The following PTPRM variants were observed in gnomAD, a reference collection of about 807,000 sequenced individuals.
PTPRM encodes the protein protein tyrosine phosphatase receptor type M.
PTPRM carries 47 observed loss-of-function variants against 186.7 expected under a neutral mutation model. That is an observed-to-expected ratio of 0.25 (90% CI 0.20 to 0.32). PTPRM has a LOEUF of 0.32. Among genes scored for constraint, PTPRM ranks in the 10% least tolerant of loss-of-function variants. The pLI, the probability that PTPRM is intolerant of heterozygous loss-of-function variation, is 1.00. For missense variants in PTPRM, 1,494 were observed against 1,865.0 expected (o/e 0.80, Z 3.66); for synonymous variants, 668 against 674.9 (o/e 0.99, Z 0.16).
chr18:7,723,692 T>G (rs2040491360), intron 1 of PTPRM, among the ~76,000 whole-genome samples: 1 of 152,202 alleles, frequency 6.6e-6, no homozygotes, highest in Admixed American at 6.5e-5. Flanking sequence ...CCTGTTGCTG[T>G]TATTCCTCAG....
At chr18:7,742,579 T>G (rs2040905024) in intron 1 of PTPRM, among the ~76,000 whole-genome samples, 1 of 152,174 alleles carries the variant, frequency 6.6e-6, no homozygotes, top group Admixed American at 6.5e-5. Context: ...TGGTTCACTC[T>G]TGTAATCCCA....
Position 7,848,572 on chromosome 18 carries a change from G to A in PTPRM, c.197-39534G>A, listed in dbSNP as rs2046710770. ...GGACCACTTGAGCCCAGGAATTTGA[G>A]ACCAGACTGTGCAACACGGTGAAAC... On this transcript the variant is annotated intron_variant, in intron 2 of 32. Transcript: ENST00000580170. Among the ~76,000 whole-genome samples, 3 of 151,786 alleles carry A rather than the reference G, an allele frequency of 2.0e-5. 1 individual carries two copies. In the South Asian group the frequency reaches 6.2e-4, roughly 32 times the overall value.
chr18:8,295,557 A>G (rs2095088053), intron 19 of PTPRM, among the ~76,000 whole-genome samples: 1 of 152,120 alleles, frequency 6.6e-6, no homozygotes, highest in South Asian at 2.1e-4. Flanking sequence ...CTTCCTTCCC[A>G]GTGGGTGCCA....
intron 7 of PTPRM, among the ~76,000 whole-genome samples, chr18:7,959,648 G>A (rs150328034): frequency 1.1e-3 from 164 of 152,254 alleles, no homozygotes; most frequent in African/African-American, 3.8e-3. Flanking sequence ...AGCTCTCCAT[G>A]CAAGACCTTG....
At chr18:8,396,502 G>A (rs954975255) in intron 32 of PTPRM, among the ~76,000 whole-genome samples, 2 of 152,230 alleles carry the variant, frequency 1.3e-5, no homozygotes. Context: ...CAGGAGTGAT[G>A]GGGCTTTTTC....
At chr18:7,648,658 C>T (rs2038623056) in intron 1 of PTPRM, among the ~76,000 whole-genome samples, 1 of 152,154 alleles carries the variant, frequency 6.6e-6, no homozygotes, top group South Asian at 2.1e-4. Context: ...CAGACCAAGG[C>T]CCTAACTCTC....
At chr18:8,172,043 C>T (rs535865716) in intron 14 of PTPRM, among the ~76,000 whole-genome samples, 15 of 152,206 alleles carry the variant, frequency 9.9e-5, no homozygotes, top group Admixed American at 6.5e-4. Context: ...ATTGTAAAGT[C>T]GGAAAATCAT....
In PTPRM at chr18:8,173,616, A is replaced by C. The variant is rs538069986; in HGVS notation, c.2300+29837A>C. ...ATGCCATGTAGGAGACAGAGTTATT[A>C]TTCAAATCAATCTCTCCAAACATTT... On this transcript the variant is annotated intron_variant, in intron 14 of 32. Transcript: ENST00000580170. Among the ~76,000 whole-genome samples, 8 of 152,268 alleles carry C rather than the reference A, an allele frequency of 5.3e-5. No individual in the cohort carries two copies. The East Asian group carries it at 1.5e-3, about 29-fold the overall frequency.
At chr18:8,068,592 A>G (rs2089250314) in intron 7 of PTPRM, among the ~76,000 whole-genome samples, 1 of 152,208 alleles carries the variant, frequency 6.6e-6, no homozygotes, top group East Asian at 1.9e-4. Flanking sequence ...AAATAAGATT[A>G]CTAAAAAATT....
intron 2 of PTPRM, among the ~76,000 whole-genome samples, chr18:7,805,879 T>TA (rs2044209317): frequency 6.6e-6 from 1 of 152,188 alleles, no homozygotes; most frequent in African/African-American, 2.4e-5. Context: ...TAGAAAAACA[T>TA]ACCATATTTG....
chr18:7,733,777 C>T (rs1238328512), intron 1 of PTPRM, among the ~76,000 whole-genome samples: 3 of 152,208 alleles, frequency 2.0e-5, no homozygotes, highest in Non-Finnish European at 4.4e-5. Context: ...AGGCCAGGCT[C>T]CTCCCCTGCA....
At chr18:8,296,594 G>C in intron 20 of PTPRM, 139 bp downstream of exon 20, 2 of 592,888 alleles carry the variant, frequency 3.4e-6, no homozygotes, top group African/African-American at 1.8e-5. Flanking sequence ...GTTAACGCTC[G>C]TACTAAAGAA....
intron 5 of PTPRM, among the ~76,000 whole-genome samples, chr18:7,944,272 G>A (rs1400433341): frequency 6.6e-6 from 1 of 152,154 alleles, no homozygotes; most frequent in African/African-American, 2.4e-5. Context: ...AGATGTTACT[G>A]CAGTAGAGTA....
Position 8,399,018 on chromosome 18 carries a change from A to G in PTPRM, c.4344+4407A>G, listed in dbSNP as rs78992535. 8.7e-3 allele frequency among the ~76,000 whole-genome samples: 1,323 copies of G among 152,326 alleles called. 16 individuals carry two copies. Among genetic ancestry groups the G allele is most frequent in the African/African-American group, 0.03 (1,247 of 41,564 alleles). On this transcript the variant is annotated intron_variant, in intron 32 of 32. Transcript: ENST00000580170. ...TACTGAAAACCACTGAACTGTGTTA[A>G]AGTACAAAATTACAACACATTTAAT... is the stretch of plus-strand genomic sequence containing the variant.
At chr18:8,145,883 T>C (rs1189143163) in intron 14 of PTPRM, among the ~76,000 whole-genome samples, 2 of 152,230 alleles carry the variant, frequency 1.3e-5, no homozygotes, top group Non-Finnish European at 2.9e-5. Flanking sequence ...GTATTTGTAG[T>C]TCTAGGTCCT....
chr18:7,928,809 G>A (rs531783998), intron 5 of PTPRM, among the ~76,000 whole-genome samples: 54 of 152,248 alleles, frequency 3.5e-4, no homozygotes, highest in Non-Finnish European at 6.6e-4. Context: ...TTTTGCAAAC[G>A]TCCTGGACTT....
At chr18:8,338,170 G>A (rs534541198) in intron 22 of PTPRM, among the ~76,000 whole-genome samples, 4 of 152,092 alleles carry the variant, frequency 2.6e-5, no homozygotes, top group African/African-American at 7.2e-5. Context: ...GGCTGGCTGT[G>A]CTTGTGAAGC....
intron 14 of PTPRM, among the ~76,000 whole-genome samples, chr18:8,241,701 G>T (rs571378868): frequency 6.6e-6 from 1 of 152,220 alleles, no homozygotes; most frequent in South Asian, 2.1e-4. Flanking sequence ...TATATTACTT[G>T]CCTGGTCCCA....
chr18:7,861,796 G>A (rs1029637013), intron 2 of PTPRM, among the ~76,000 whole-genome samples: 3 of 151,862 alleles, frequency 2.0e-5, no homozygotes, highest in African/African-American at 7.3e-5. Context: ...GAGAGAATCT[G>A]CACATAAACA....
Sources: allele counts gnomAD v4.1 joint callset (sites outside exome capture counted in the v4.1 genomes callset), GRCh38; gene constraint gnomAD v4.1.1; transcripts MANE v1.5; gene names NCBI Gene and HGNC (gene_info 2026-07-23, HGNC 2026-07-21).